CD46: variants seen among roughly 807,000 people sequenced by gnomAD.
The protein encoded by CD46 is CD46 molecule.
CD46 carries 30 observed loss-of-function variants against 53.3 expected under a neutral mutation model. The ratio of observed to expected loss-of-function variants is 0.56; its 90% CI spans 0.42 to 0.76. The LOEUF (loss-of-function observed/expected upper bound fraction) is 0.76. Among genes scored for constraint, CD46 ranks in the 30% least tolerant of loss-of-function variants. CD46 has a pLI of 0.00. For synonymous variants in CD46, 142 were observed against 152.0 expected (o/e 0.93, Z 0.48); for missense variants, 409 against 463.0 (o/e 0.88, Z 1.07).
chr1:207,760,083 G>T (rs1656012501), intron 4 of CD46: 1 of 204,470 alleles, frequency 4.9e-6, no homozygotes, highest in Non-Finnish European at 1.0e-5. Context: ...TTGCCATGAT[G>T]CCCAGGCTGG....
chr1:207,792,287 AAAAAT>A (rs1376852852), intron 12 of CD46, among the ~76,000 whole-genome samples: 2 of 152,182 alleles, frequency 1.3e-5, no homozygotes, highest in African/African-American at 4.8e-5. Flanking sequence ...TCAAAGGAAA[AAAAAT>A]AAAGAAAAGA....
At position 207,793,584 on chromosome 1, in the gene CD46, G is replaced by A; in HGVS notation, c.*107G>A. ...AAATCAACCACTCCAGCAGAGCAGAGAGGCTGAATAGATTCCACAACCTGG... is the reference window on the plus strand; with the variant it reads ...AAATCAACCACTCCAGCAGAGCAGAAAGGCTGAATAGATTCCACAACCTGG... On this transcript the variant is annotated 3_prime_UTR_variant, in exon 13 of 13. Coordinates refer to ENST00000367042, the MANE Select transcript of CD46 (RefSeq NM_172351.3). 6.2e-7 allele frequency: 1 copy of A among 1,613,712 alleles called. No homozygotes were observed. The highest frequency in any genetic ancestry group is 8.5e-7 in the Non-Finnish European group (1 of 1,179,594).
intron 12 of CD46, among the ~76,000 whole-genome samples, chr1:207,791,668 G>A (rs932540833): frequency 6.6e-6 from 1 of 152,190 alleles, no homozygotes; most frequent in Non-Finnish European, 1.5e-5. Flanking sequence ...AACTGAAACC[G>A]TGCAAAGTGA....
intron 10 of CD46, 75 bp downstream of exon 10, chr1:207,785,181 C>T (rs1659161612): frequency 8.3e-7 from 1 of 1,198,468 alleles, no homozygotes; most frequent in Admixed American, 1.8e-5. Flanking sequence ...AATAGTTTTT[C>T]AGTTTCTATA....
intron 6 of CD46, chr1:207,767,436 G>T: frequency 1.4e-6 from 1 of 717,240 alleles, no homozygotes. Flanking sequence ...TACATTGCAT[G>T]GGTATATGCT....
At position 207,772,744 on chromosome 1, in the gene CD46, T is replaced by G. The variant is rs534604059; in HGVS notation, c.943+2382T>G. ...TTGAACCAGCCTTGTATCCCAGGGA[T>G]GAAGCCAACTTGATTGTGGTGGATA... is the stretch of plus-strand genomic sequence containing the variant. On this transcript the variant is annotated intron_variant, in intron 8 of 12. Coordinates refer to ENST00000367042, the MANE Select transcript of CD46 (RefSeq NM_172351.3). Among the ~76,000 whole-genome samples, 46 of 152,370 alleles carry G rather than the reference T, an allele frequency of 3.0e-4. No homozygotes were observed. The South Asian group carries it at 9.5e-3, about 32-fold the overall frequency.
intron 8 of CD46, among the ~76,000 whole-genome samples, chr1:207,781,044 A>G (rs1273465180): frequency 6.6e-6 from 1 of 151,334 alleles, no homozygotes; most frequent in Non-Finnish European, 1.5e-5. Flanking sequence ...AATGACCCAA[A>G]CACCTCTTAA....
intron 9 of CD46, among the ~76,000 whole-genome samples, 160 bp from the exon 10 acceptor site, chr1:207,784,911 G>C (rs535946682): frequency 2.2e-4 from 34 of 152,306 alleles, no homozygotes; most frequent in Admixed American, 1.6e-3. Flanking sequence ...CTCTCATGGG[G>C]TCCCTCCCAC....
In CD46 at chr1:207,783,297, C is replaced by G. The variant is rs886045838; in HGVS notation, c.949C>G (p.Pro317Ala). The change falls in exon 9 of 13, where the codon CCT becomes GCT. Residue 317 changes from proline (P) to alanine (A), a missense_variant. Transcript: ENST00000367042. ...TATTTCTTCTTTTTTCCTAGGATATCCTAAACCTGAGGAAGGAATACTTGA... is the reference window on the plus strand; with the variant it reads ...TATTTCTTCTTTTTTCCTAGGATATGCTAAACCTGAGGAAGGAATACTTGA... The part of the protein sequence containing the change: ...KPPVSNYPGY[P>A]KPEEGILDSL... 4 of 1,498,462 alleles carry G rather than the reference C, an allele frequency of 2.7e-6. No homozygotes were observed. The highest frequency in any genetic ancestry group is 3.7e-6 in the Non-Finnish European group (4 of 1,076,544). 92.8% of individuals were successfully genotyped at this position (1,498,462 alleles called of 1,614,324 possible). A position where few individuals can be genotyped will look rare whatever the true frequency, so the allele number is the denominator to read the frequency against.
chr1:207,769,492 TTGA>T (rs1454045822), intron 7 of CD46: 1 of 152,066 alleles, frequency 6.6e-6, no homozygotes, highest in Non-Finnish European at 1.5e-5. Flanking sequence ...TTTGAAAGAG[TTGA>T]TGATAAGCAT....
intron 2 of CD46, 116 bp downstream of exon 2, chr1:207,757,318 T>C (rs1316807884): frequency 2.8e-5 from 29 of 1,028,566 alleles, no homozygotes; most frequent in Middle Eastern, 4.1e-4. Flanking sequence ...AGGTTCAAGA[T>C]AACAATGCAT....
intron 7 of CD46, chr1:207,769,181 C>G (rs41317829): frequency 0.032 from 4,874 of 152,366 alleles, 239 homozygotes; most frequent in East Asian, 0.24. Flanking sequence ...TCGCTTGAAC[C>G]CAGTGGGCAG....
intron 10 of CD46, among the ~76,000 whole-genome samples, chr1:207,785,409 G>A (rs1659179283): frequency 6.6e-6 from 1 of 152,150 alleles, no homozygotes; most frequent in East Asian, 1.9e-4. Context: ...AATTAAGCAA[G>A]GACTTTTCTC....
intron 1 of CD46, among the ~76,000 whole-genome samples, chr1:207,754,460 C>T (rs1655287503): frequency 6.6e-6 from 1 of 152,186 alleles, no homozygotes. Context: ...TTTAAAATGA[C>T]CTTTTCTGTT....
chr1:207,789,984 A>T (rs951772934), intron 11 of CD46, among the ~76,000 whole-genome samples: 2 of 152,120 alleles, frequency 1.3e-5, no homozygotes, highest in Non-Finnish European at 2.9e-5. Flanking sequence ...TTCATGCAAA[A>T]TGGCTTCAAA....
intron 5 of CD46, among the ~76,000 whole-genome samples, chr1:207,765,406 G>A (rs1476075572): frequency 1.3e-5 from 2 of 152,158 alleles, no homozygotes; most frequent in African/African-American, 4.8e-5. Context: ...AAGTAACATT[G>A]TACTTAGTGG....
Position 207,761,432 on chromosome 1 carries a change from C to T in CD46, c.659C>T (p.Ala220Val). 6.2e-7 allele frequency: 1 copy of T among 1,613,280 alleles called. No individual in the cohort carries two copies. Among genetic ancestry groups the T allele is most frequent in the South Asian group, 1.1e-5 (1 of 91,070 alleles). ...CGDNSVWSRA[A>V]PECKVVKCRF... is the part of the protein sequence containing the mutation. ...GACAATTCAGTGTGGAGTCGTGCTGCTCCAGAGTGTAAAGGTAGTGTTTCA... is the reference window on the plus strand; with the variant it reads ...GACAATTCAGTGTGGAGTCGTGCTGTTCCAGAGTGTAAAGGTAGTGTTTCA... Residue 220 changes from alanine (A) to valine (V), a missense_variant, in exon 5 of 13, where the codon GCT (alanine) becomes GTT (valine). Coordinates refer to ENST00000367042, the MANE Select transcript of CD46 (RefSeq NM_172351.3).
intron 1 of CD46, among the ~76,000 whole-genome samples, chr1:207,755,069 C>T (rs910818077): frequency 2.6e-5 from 4 of 151,616 alleles, no homozygotes; most frequent in Admixed American, 6.6e-5. Context: ...CTGCAGTGAG[C>T]CCTGATCATA....
chr1:207,790,123 A>T, intron 11 of CD46, 130 bp from the exon 12 acceptor site: 4 of 692,946 alleles, frequency 5.8e-6, no homozygotes, highest in Non-Finnish European at 1.1e-5. Context: ...GAAAGTCTTA[A>T]GTTATGAACC....
Sources: allele counts gnomAD v4.1 joint callset (sites outside exome capture counted in the v4.1 genomes callset), GRCh38; gene constraint gnomAD v4.1.1; transcripts MANE v1.5; gene names NCBI Gene and HGNC (gene_info 2026-07-23, HGNC 2026-07-21).